GDA: variants seen among roughly 807,000 people sequenced by gnomAD.
GDA encodes guanine deaminase.
A neutral mutation model predicts 59.6 loss-of-function variants in GDA; 18 were observed. The observed-to-expected ratio is 0.30, with a 90% CI of 0.21 to 0.45. The LOEUF is 0.45. Among genes scored for constraint, GDA ranks in the 20% least tolerant of loss-of-function variants. The pLI is 1.00. For synonymous variants in GDA, 201 were observed against 201.1 expected, an observed-to-expected ratio of 1.00 and a Z score of 0.00; for missense variants, 427 against 552.3, an observed-to-expected ratio of 0.77 and a Z score of 2.27.
intron 10 of GDA, among the ~76,000 whole-genome samples, chr9:72,234,675 A>G (rs12339476): frequency 1.3e-5 from 2 of 152,220 alleles, no homozygotes; most frequent in Non-Finnish European, 2.9e-5. Context: ...TGAGCTTAAG[A>G]AAGAACTGCC....
chr9:72,182,673 T>G (rs1831398864), intron 1 of GDA, among the ~76,000 whole-genome samples: 1 of 152,222 alleles, frequency 6.6e-6, no homozygotes, highest in African/African-American at 2.4e-5. Flanking sequence ...TCAACAAATT[T>G]TCACCCACTA....
chr9:72,121,883 A>T (rs996164485), intron 1 of GDA, among the ~76,000 whole-genome samples: 10 of 152,206 alleles, frequency 6.6e-5, no homozygotes, highest in African/African-American at 1.2e-4. Flanking sequence ...CTTGACTTAG[A>T]GCAGCCACTG....
Position 72,149,581 on chromosome 9 carries a change from C to T in GDA, c.22C>T (p.Pro8Ser), listed in dbSNP as rs1338215740. 1.2e-6 allele frequency: 2 copies of T among 1,611,392 alleles called. No individual in the cohort carries two copies. Among genetic ancestry groups the T allele is most frequent in the Non-Finnish European group, 1.7e-6 (2 of 1,179,160 alleles). ...TGACATGTGTGCCGCTCAGATGCCGCCCCTGGCGCACATCTTCCGAGGGAC... is the reference window on the plus strand; with the variant it reads ...TGACATGTGTGCCGCTCAGATGCCGTCCCTGGCGCACATCTTCCGAGGGAC... MCAAQMP[P>S]LAHIFRGTFV... The change falls in exon 1 of 14, where the codon CCC (proline) becomes TCC (serine). Residue 8 changes from proline to serine, a missense_variant. Physicochemically the swap from Pro to Ser is moderately conservative, Grantham distance 74. Transcript: ENST00000358399.
intron 5 of GDA, among the ~76,000 whole-genome samples, chr9:72,219,070 G>C (rs1221354733): frequency 6.6e-6 from 1 of 152,032 alleles, no homozygotes; most frequent in Non-Finnish European, 1.5e-5. Context: ...TGAAAATCAG[G>C]ATATGTAAGA....
chr9:72,133,240 A>T lies in GDA; in HGVS notation c.-100+18407A>T, dbSNP rs553945675. 7.4e-5 allele frequency among the ~76,000 whole-genome samples: 11 copies of T among 148,412 alleles called. No homozygotes were observed. The South Asian group carries it at 2.2e-3, about 29-fold the overall frequency. On this transcript the variant is annotated intron_variant, in intron 1 of 13. Transcript: ENST00000545168. ...AGGAGGCGGAGGTTGTAGTGAACCG[A>T]GATAGCGCCACTGCACTCCAGCCAG... is the stretch of plus-strand genomic sequence containing the variant.
intron 3 of GDA, among the ~76,000 whole-genome samples, chr9:72,208,034 C>G (rs1484810605): frequency 6.6e-6 from 1 of 152,106 alleles, no homozygotes; most frequent in Non-Finnish European, 1.5e-5. Context: ...CCCTAGAATT[C>G]AAGGTTACAG....
At chr9:72,187,379 G>A (rs1034234953) in intron 1 of GDA, among the ~76,000 whole-genome samples, 1 of 152,114 alleles carries the variant, frequency 6.6e-6, no homozygotes, top group African/African-American at 2.4e-5. Flanking sequence ...CTCTGGCCTC[G>A]AGTGCTTCCC....
At chr9:72,134,786 A>T in intron 1 of GDA, among the ~76,000 whole-genome samples, 1 of 152,208 alleles carries the variant, frequency 6.6e-6, no homozygotes, top group East Asian at 1.9e-4. Flanking sequence ...AAAAAAGAGT[A>T]CATAGAATTG....
intron 1 of GDA, among the ~76,000 whole-genome samples, chr9:72,133,300 A>ATAAAT (rs1330202875): frequency 7.2e-6 from 1 of 138,072 alleles, no homozygotes; most frequent in African/African-American, 2.6e-5. Context: ...AAAAAAAAAA[A>ATAAAT]AAAAAAAAAA....
At chr9:72,245,777 T>C (rs1255246584) in intron 12 of GDA, among the ~76,000 whole-genome samples, 1 of 152,228 alleles carries the variant, frequency 6.6e-6, no homozygotes, top group Non-Finnish European at 1.5e-5. Flanking sequence ...GGCGAGGCTC[T>C]TGAGCACTAT....
chr9:72,224,676 C>T (rs568920654), intron 7 of GDA, among the ~76,000 whole-genome samples: 29 of 152,148 alleles, frequency 1.9e-4, no homozygotes, highest in Non-Finnish European at 3.4e-4. Context: ...GACAGGGTCC[C>T]AGAGTCTCAA....
At chr9:72,227,916 C>T (rs1212613611) in intron 8 of GDA, 27 bp from the exon 9 acceptor site, 2 of 1,254,600 alleles carry the variant, frequency 1.6e-6, no homozygotes, top group East Asian at 2.3e-5. Context: ...GAGCGGTAAA[C>T]TCCACGTAGG....
intron 3 of GDA, among the ~76,000 whole-genome samples, chr9:72,206,737 AC>A (rs1300261556): frequency 6.6e-6 from 1 of 152,026 alleles, no homozygotes; most frequent in East Asian, 1.9e-4. Flanking sequence ...GCACCATTGC[AC>A]TCTAGTCTGG....
chr9:72,203,289 T>C (rs1834242670), intron 3 of GDA, among the ~76,000 whole-genome samples: 1 of 152,212 alleles, frequency 6.6e-6, no homozygotes, highest in South Asian at 2.1e-4. Flanking sequence ...AAATTAAATA[T>C]TTAAATTACT....
intron 1 of GDA, among the ~76,000 whole-genome samples, chr9:72,140,173 G>A (rs1826389293): frequency 6.6e-6 from 1 of 152,184 alleles, no homozygotes; most frequent in African/African-American, 2.4e-5. Context: ...ATTGTTGTTA[G>A]GGCTGGGCAT....
intron 10 of GDA, among the ~76,000 whole-genome samples, chr9:72,239,054 A>G (rs1839325056): frequency 6.6e-6 from 1 of 152,174 alleles, no homozygotes; most frequent in Non-Finnish European, 1.5e-5. Flanking sequence ...GCCATATGAC[A>G]AAGTAGGGAT....
rs544440268 is a variant in GDA, at chr9:72,232,113, C to G, written c.988+932C>G. Among the ~76,000 whole-genome samples, 5 of 152,298 alleles carry G rather than the reference C, an allele frequency of 3.3e-5. No individual in the cohort carries two copies. The East Asian group carries it at 9.6e-4, about 29-fold the overall frequency. On this transcript the variant is annotated intron_variant, in intron 10 of 13. Coordinates refer to ENST00000358399, the MANE Select transcript of GDA (RefSeq NM_004293.5). The stretch of plus-strand genomic sequence containing the variant: ...TCAGGCCCAAATTTCTAGGTGTCCT[C>G]TGTGAGGCTTCTTTTATGACTGAAT...
intron 1 of GDA, among the ~76,000 whole-genome samples, chr9:72,123,921 C>T (rs983910473): frequency 1.3e-5 from 2 of 151,978 alleles, no homozygotes; most frequent in Non-Finnish European, 2.9e-5. Context: ...AATTGTTTTG[C>T]GTGAAAAACT....
chr9:72,177,092 CTTTTTTTTTTTTTT>C (rs58433062), intron 1 of GDA, among the ~76,000 whole-genome samples: 2 of 67,800 alleles, frequency 2.9e-5, no homozygotes, highest in African/African-American at 1.1e-4. Context: ...TTATAAACTG[CTTTTTTTTTTTTTT>C]TTTTTTTTTT....
Sources: gnomAD v4.1 joint callset for allele counts (sites outside exome capture counted in the v4.1 genomes callset) on GRCh38, gnomAD v4.1.1 for gene constraint, MANE v1.5 for transcripts, NCBI Gene and HGNC (gene_info 2026-07-23, HGNC 2026-07-21) for gene names.